The following RRAGC variants were observed in gnomAD, a reference collection of about 807,000 sequenced individuals.
RRAGC encodes Ras related GTP binding C.
In RRAGC, 8 loss-of-function variants were observed where a neutral mutation model predicts 37.1. That is an observed-to-expected ratio of 0.22 (90% CI 0.13 to 0.39). The LOEUF is 0.39. Ranked by LOEUF, RRAGC falls within the 10% of genes least tolerant of loss-of-function variation. RRAGC has a pLI of 1.00. For synonymous variants in RRAGC, 190 were observed against 181.1 expected (o/e 1.05, Z -0.39); for missense variants, 342 against 497.6 (o/e 0.69, Z 2.98).
rs577613794 is a variant in RRAGC at position 38,848,468 on chromosome 1, C to T, written c.900-2381G>A. Among the ~76,000 whole-genome samples, 9 of 152,294 alleles carry T rather than the reference C, an allele frequency of 5.9e-5. No homozygotes were observed. In the South Asian group the frequency reaches 1.9e-3, roughly 32 times the overall value. The stretch of plus-strand genomic sequence containing the variant: ...GTCAAGCCAGCATATGATCTTGAAT[C>T]ACACACTAACATGAGAAAGAAATAA... On this transcript the variant is annotated intron_variant, in intron 5 of 6. Transcript: ENST00000373001.
intron 2 of RRAGC, chr1:38,856,618 A>G: frequency 3.2e-6 from 1 of 315,108 alleles, no homozygotes; most frequent in Non-Finnish European, 5.8e-6. Context: ...TATGGCAACC[A>G]ATAAAAGTGG....
chr1:38,855,733 C>A lies in RRAGC; in HGVS notation c.616G>T (p.Ala206Ser). The A allele has an allele frequency of 1.2e-6, 2 of 1,614,068 alleles. No individual in the cohort carries two copies. The highest frequency in any genetic ancestry group is 1.7e-6 in the Non-Finnish European group (2 of 1,179,954). The change falls in exon 3 of 7, where the codon GCT becomes TCT. Residue 206 changes from alanine (A) to serine (S), a missense_variant. Physicochemically the swap from Ala to Ser is moderately conservative, Grantham distance 99 (BLOSUM62 1). This residue lies in a region of RRAGC where 134 missense variants were observed against 277.2 expected (regional missense o/e 0.48). Transcript: ENST00000373001. ...HQRANDDLADAGLEKLHLSFY... is the reference protein window; with the variant it reads ...HQRANDDLADSGLEKLHLSFY... Reference sequence around the variant, plus strand: ...CTAAGATGGAGTTTTTCTAGCCCAGCATCTGCAAGGTCATCATTGGCCCTT... The same window carrying A: ...CTAAGATGGAGTTTTTCTAGCCCAGAATCTGCAAGGTCATCATTGGCCCTT...
chr1:38,858,655 A>G (rs192485355), intron 1 of RRAGC, among the ~76,000 whole-genome samples: 88 of 152,308 alleles, frequency 5.8e-4, no homozygotes, highest in Non-Finnish European at 1.0e-3. Flanking sequence ...CCGAGATTGC[A>G]CCACTGCATT....
intron 6 of RRAGC, among the ~76,000 whole-genome samples, chr1:38,844,010 G>C (rs1228285959): frequency 6.6e-6 from 1 of 152,080 alleles, no homozygotes; most frequent in African/African-American, 2.4e-5. Context: ...AGAAACAAAT[G>C]ATCAGATTTG....
At chr1:38,854,621 CTTACAT>C (rs1263179613) in intron 3 of RRAGC, among the ~76,000 whole-genome samples, 1 of 152,168 alleles carries the variant, frequency 6.6e-6, no homozygotes, top group Non-Finnish European at 1.5e-5. Context: ...TGGAGAGCCA[CTTACAT>C]TTTCTCCTAC....
chr1:38,847,655 G>C (rs1642045202), intron 5 of RRAGC: 1 of 151,760 alleles, frequency 6.6e-6, no homozygotes, highest in African/African-American at 2.4e-5. Context: ...ACAACCCTGA[G>C]GACACGAATT....
intron 5 of RRAGC, among the ~76,000 whole-genome samples, chr1:38,850,379 T>TCAAC (rs972536497): frequency 6.6e-6 from 1 of 151,920 alleles, no homozygotes; most frequent in African/African-American, 2.4e-5. Flanking sequence ...CCAGGCGTTG[T>TCAAC]GGCGGGCACC....
intron 5 of RRAGC, among the ~76,000 whole-genome samples, chr1:38,850,283 G>T (rs1460023833): frequency 6.6e-6 from 1 of 152,038 alleles, no homozygotes; most frequent in African/African-American, 2.4e-5. Flanking sequence ...GGCCGAGGCG[G>T]GTGGATCACA....
chr1:38,845,538 T>A (rs1193975831), intron 6 of RRAGC, among the ~76,000 whole-genome samples: 1 of 152,144 alleles, frequency 6.6e-6, no homozygotes, highest in Non-Finnish European at 1.5e-5. Flanking sequence ...GACGGGTTGA[T>A]GAGTGCAGCA....
At chr1:38,854,771 C>T (rs1642146866) in intron 3 of RRAGC, among the ~76,000 whole-genome samples, 1 of 152,116 alleles carries the variant, frequency 6.6e-6, no homozygotes, top group Non-Finnish European at 1.5e-5. Context: ...ATCTTGGAGC[C>T]TGAGACCCAG....
Position 38,859,422 on chromosome 1 carries a change from G to A in RRAGC, c.225C>T (p.Ser75=). The change falls in exon 1 of 7, where the codon TCC becomes TCT. Residue 75 remains serine (S), a synonymous_variant. Coordinates refer to ENST00000373001, the MANE Select transcript of RRAGC (RefSeq NM_022157.4). ...CAGCCCTGCTCACCTTCTGGATGGAGGACTTGCCGCTGCGCCGGAGTCCCA... is the reference window on the plus strand; with the variant it reads ...CAGCCCTGCTCACCTTCTGGATGGAAGACTTGCCGCTGCGCCGGAGTCCCA... ...LLMGLRRSGK[S]SIQKVVFHKM... 1 of 1,548,322 alleles carries A rather than the reference G, an allele frequency of 6.5e-7. No homozygotes were observed. Among genetic ancestry groups the A allele is most frequent in the Non-Finnish European group, 8.7e-7 (1 of 1,146,526 alleles).
At chr1:38,856,166 A>G (rs1298432694) in intron 2 of RRAGC, among the ~76,000 whole-genome samples, 2 of 152,224 alleles carry the variant, frequency 1.3e-5, no homozygotes, top group African/African-American at 2.4e-5. Context: ...TTTTTTCCCA[A>G]CATAATTTTT....
At chr1:38,850,513 A>C (rs1288119045) in intron 5 of RRAGC, among the ~76,000 whole-genome samples, 3 of 38,298 alleles carry the variant, frequency 7.8e-5, no homozygotes, top group Middle Eastern at 0.022. Context: ...GACTCCGTTT[A>C]ATAAATAAAT....
chr1:38,845,912 A>C (rs760257966), intron 6 of RRAGC, 27 bp downstream of exon 6: 2 of 1,574,552 alleles, frequency 1.3e-6, no homozygotes, highest in Non-Finnish European at 8.6e-7. Flanking sequence ...AAATTAACAT[A>C]AAAACAGCTT....
In RRAGC at chr1:38,850,591, T is replaced by C. The variant is rs116934370; in HGVS notation, c.899+1024A>G. On this transcript the variant is annotated intron_variant, in intron 5 of 6. Coordinates refer to ENST00000373001, the MANE Select transcript of RRAGC (RefSeq NM_022157.4). The stretch of plus-strand genomic sequence containing the variant: ...TAAAAGTTAAAGGAATAGACAGATA[T>C]AGAATAGGTAAGACAAATGTACTCT... Among the ~76,000 whole-genome samples, 12 of 151,806 alleles carry C rather than the reference T, an allele frequency of 7.9e-5. No homozygotes were observed. The East Asian group carries it at 2.1e-3, about 27-fold the overall frequency.
At chr1:38,858,457 G>C (rs1025795122) in intron 1 of RRAGC, among the ~76,000 whole-genome samples, 2 of 152,198 alleles carry the variant, frequency 1.3e-5, no homozygotes, top group African/African-American at 4.8e-5. Context: ...CCAGCACTTT[G>C]GGAGGCCAAG....
chr1:38,850,599 G>A (rs185735296), intron 5 of RRAGC, among the ~76,000 whole-genome samples: 35 of 151,858 alleles, frequency 2.3e-4, no homozygotes, highest in African/African-American at 8.2e-4. Flanking sequence ...TATAGAATAG[G>A]TAAGACAAAT....
chr1:38,850,400 G>C (rs1334302413), intron 5 of RRAGC, among the ~76,000 whole-genome samples: 1 of 151,900 alleles, frequency 6.6e-6, no homozygotes, highest in African/African-American at 2.4e-5. Flanking sequence ...TGTAGTCCCA[G>C]CTACTCAGGA....
At chr1:38,859,128 G>A (rs1353141828) in intron 1 of RRAGC, among the ~76,000 whole-genome samples, 1 of 152,280 alleles carries the variant, frequency 6.6e-6, no homozygotes, top group African/African-American at 2.4e-5. Flanking sequence ...TGACACAGGA[G>A]CTGGGTCCCA....
Sources: gnomAD v4.1 joint callset for allele counts (sites outside exome capture counted in the v4.1 genomes callset) on GRCh38, gnomAD v4.1.1 for gene constraint, gnomAD v4.1.1 regional missense constraint, MANE v1.5 for transcripts, NCBI Gene and HGNC (gene_info 2026-07-23, HGNC 2026-07-21) for gene names.